HERC2: variants seen among roughly 807,000 people sequenced by gnomAD.
The protein encoded by HERC2 is HECT and RLD domain containing E3 ubiquitin protein ligase 2, also known as E3 ubiquitin-protein ligase HERC2.
A neutral mutation model predicts 537.7 loss-of-function variants in HERC2; 102 were observed. The observed-to-expected ratio is 0.19, with a 90% confidence interval of 0.16 to 0.22. The LOEUF is 0.22. HERC2 is among the 10% of genes least tolerant of loss of function. HERC2 has a pLI of 1.00. For missense variants in HERC2, 4,236 were observed against 6,198.2 expected (o/e 0.68, Z 10.63); for synonymous variants, 2,224 against 2,466.2 (o/e 0.90, Z 2.91).
chr15:28,125,991 T>A (rs917460640), intron 83 of HERC2, among the ~76,000 whole-genome samples: 1 of 152,220 alleles, frequency 6.6e-6, no homozygotes, highest in African/African-American at 2.4e-5. Flanking sequence ...TTTGTATTTT[T>A]AGCAGAGACA....
At chr15:28,118,038 T>G in intron 86 of HERC2, 1 of 183,302 alleles carries the variant, frequency 5.5e-6, no homozygotes, top group Non-Finnish European at 1.2e-5. Context: ...TTAAACAGCT[T>G]ACAGAGCAGG....
Position 28,113,428 on chromosome 15 carries a change from T to C in HERC2, c.14019+145A>G. On this transcript the variant is annotated intron_variant, in intron 91 of 92. Coordinates refer to ENST00000261609, the MANE Select transcript of HERC2 (RefSeq NM_004667.6). The surrounding 1 kb of genome is among the most constrained non-coding windows in gnomAD (Gnocchi z 7.0). ...CTGGGTGGGCCCACACACAGCCTCC[T>C]GCAGGCGGGTGGAGGGACGCGCTCA... is the stretch of plus-strand genomic sequence containing the variant. 9.3e-7 allele frequency: 1 copy of C among 1,073,832 alleles called. No individual in the cohort carries two copies. The highest frequency in any genetic ancestry group is 1.4e-6 in the Non-Finnish European group (1 of 722,904). The allele number at this position is 1,073,832 out of a possible 1,614,324, so 66.5% of individuals were successfully genotyped here.
intron 69 of HERC2, among the ~76,000 whole-genome samples, chr15:28,156,675 T>C (rs1335276185): frequency 6.6e-6 from 1 of 152,232 alleles, no homozygotes; most frequent in Non-Finnish European, 1.5e-5. Flanking sequence ...GTTTTCTAGA[T>C]ATACAATCAT....
At chr15:28,232,274 G>A (rs1901949793) in intron 30 of HERC2, among the ~76,000 whole-genome samples, 1 of 152,146 alleles carries the variant, frequency 6.6e-6, no homozygotes, top group Non-Finnish European at 1.5e-5. Flanking sequence ...CAGGCGCGGT[G>A]GCTCACGCCT....
At chr15:28,245,117 C>G (rs545489128) in intron 23 of HERC2, among the ~76,000 whole-genome samples, 1 of 152,156 alleles carries the variant, frequency 6.6e-6, no homozygotes, top group Non-Finnish European at 1.5e-5. Context: ...GGAGAGTCTT[C>G]CCATTATCAA....
chr15:28,214,767 T>C lies in HERC2; in HGVS notation c.6246A>G (p.Pro2082=), dbSNP rs764321944. ...TCGCCCTTTCGGTCTTGTCCCATGA[T>C]GGAAGGACTGCTTGCAACAAATGCA... is the stretch of plus-strand genomic sequence containing the variant. The part of the protein sequence containing the change: ...LAVHLLQAVL[P]SWDKTERARD... The change falls in exon 40 of 93, where the codon CCA becomes CCG. Residue 2082 remains proline, a synonymous_variant. Coordinates refer to ENST00000261609, the MANE Select transcript of HERC2 (RefSeq NM_004667.6). 36 of 1,611,648 alleles carry C rather than the reference T, an allele frequency of 2.2e-5. No individual in the cohort carries two copies. Among genetic ancestry groups the C allele is most frequent in the Non-Finnish European group, 2.8e-5 (33 of 1,179,624 alleles).
chr15:28,168,384 C>T (rs548490482), intron 67 of HERC2, 23 bp downstream of exon 67: 1 of 1,606,594 alleles, frequency 6.2e-7, no homozygotes, highest in Non-Finnish European at 8.5e-7. Context: ...TCTGATCTAA[C>T]ATTGCTTTAG....
intron 20 of HERC2, among the ~76,000 whole-genome samples, chr15:28,251,544 CA>C (rs2075082666): frequency 1.3e-5 from 2 of 148,456 alleles, no homozygotes; most frequent in South Asian, 4.3e-4. Context: ...CTCACGCCTG[CA>C]ATCCCAGCAC....
chr15:28,240,056 T>G (rs1390453687), intron 23 of HERC2, among the ~76,000 whole-genome samples: 8 of 99,006 alleles, frequency 8.1e-5, no homozygotes, highest in African/African-American at 1.3e-4. Context: ...ATTGTAGGGT[T>G]TTTTTTTAAA....
intron 16 of HERC2, among the ~76,000 whole-genome samples, chr15:28,260,234 C>G (rs1363024000): frequency 6.6e-6 from 1 of 151,876 alleles, no homozygotes; most frequent in East Asian, 1.9e-4. Context: ...ATGTAATACA[C>G]CATACTAACA....
chr15:28,283,136 T>C (rs1293108013), intron 4 of HERC2, among the ~76,000 whole-genome samples: 5 of 146,138 alleles, frequency 3.4e-5, no homozygotes, highest in Admixed American at 1.4e-4. Flanking sequence ...GAAGGTGGGG[T>C]TGAAACTGTA....
At chr15:28,282,115 G>C (rs1014288131) in intron 4 of HERC2, among the ~76,000 whole-genome samples, 12 of 152,140 alleles carry the variant, frequency 7.9e-5, no homozygotes, top group African/African-American at 2.9e-4. Flanking sequence ...CTGCCTCACA[G>C]TAACCAGGGG....
chr15:28,153,406 C>T (rs1434442108), intron 69 of HERC2, among the ~76,000 whole-genome samples: 1 of 152,046 alleles, frequency 6.6e-6, no homozygotes. Context: ...GTAATACAAG[C>T]ACTTTGGGAG....
chr15:28,112,093 T>C, intron 92 of HERC2, 58 bp from the exon 93 acceptor site: 2 of 1,529,104 alleles, frequency 1.3e-6, no homozygotes, highest in Non-Finnish European at 9.0e-7. Context: ...TTTACTTTAC[T>C]GTGCTCATTA....
chr15:28,160,194 G>A lies in HERC2; in HGVS notation c.10746+2900C>T, dbSNP rs1345896917. On this transcript the variant is annotated intron_variant, in intron 69 of 92. Transcript: ENST00000261609. ...ACTCGGGGGTCAGGGACCCACTTGA[G>A]GAGGCAGTCTGTCCATTCTCAGGTC... 4.6e-5 allele frequency among the ~76,000 whole-genome samples: 7 copies of A among 152,328 alleles called. No homozygotes were observed. In the East Asian group the frequency reaches 1.4e-3, roughly 29 times the overall value.
intron 17 of HERC2, 103 bp from the exon 18 acceptor site, chr15:28,256,420 T>C (rs188652571): frequency 3.7e-6 from 3 of 821,536 alleles, no homozygotes; most frequent in African/African-American, 3.4e-5. Context: ...ATTATTTAAA[T>C]AGACAATTTC....
intron 69 of HERC2, among the ~76,000 whole-genome samples, chr15:28,153,644 C>G (rs144252804): frequency 0.01 from 1,560 of 152,166 alleles, 44 homozygotes; most frequent in Admixed American, 0.046. Context: ...GAGAGAGACT[C>G]TGTCTCGAAA....
chr15:28,274,194 C>T (rs970543356), intron 7 of HERC2, 97 bp downstream of exon 7: 3 of 1,300,800 alleles, frequency 2.3e-6, no homozygotes, highest in African/African-American at 1.5e-5. Flanking sequence ...GAAAAACCAA[C>T]CTACTAGGCT....
chr15:28,175,377 T>C (rs1447184514), intron 64 of HERC2, 135 bp downstream of exon 64: 32 of 878,694 alleles, frequency 3.6e-5, no homozygotes, highest in Non-Finnish European at 3.7e-5. Flanking sequence ...GGACCCGCCC[T>C]CATGGTTCTC....
Sources: gnomAD v4.1 joint callset for allele counts (sites outside exome capture counted in the v4.1 genomes callset) on GRCh38, gnomAD v4.1.1 for gene constraint, Gnocchi (gnomAD v3.1) non-coding constraint, MANE v1.5 for transcripts, NCBI Gene and HGNC (gene_info 2026-07-23, HGNC 2026-07-21) for gene names.